CDYL: variants seen among roughly 807,000 people sequenced by gnomAD.
CDYL encodes the protein chromodomain Y-like protein.
In CDYL, 8 loss-of-function variants were observed where a neutral mutation model predicts 47.3. That is an observed-to-expected ratio of 0.17 (90% CI 0.10 to 0.31). CDYL has a LOEUF of 0.31. CDYL is among the 10% of genes least tolerant of loss of function. The pLI, the probability that CDYL is intolerant of heterozygous loss-of-function variation, is 1.00. For missense variants in CDYL, 471 were observed against 701.4 expected, an observed-to-expected ratio of 0.67 and a Z score of 3.71; for synonymous variants, 266 against 265.0, an observed-to-expected ratio of 1.00 and a Z score of -0.04.
At chr6:4,718,285 TTC>T (rs549872190) in intron 2 of CDYL, among the ~76,000 whole-genome samples, 10 of 152,140 alleles carry the variant, frequency 6.6e-5, no homozygotes, top group Non-Finnish European at 1.2e-4. Flanking sequence ...GGTGGTTTTT[TTC>T]TGTTTTTCGT....
chr6:4,892,122 C>G lies in CDYL; in HGVS notation c.434C>G (p.Pro145Arg). Reference protein sequence around the residue: ...LAKSGIKILVPKSPVKSRTAV... With the variant: ...LAKSGIKILVRKSPVKSRTAV... ...AAGTCAGGTATCAAGATCCTCGTGC[C>G]TAAAAGCCCCGTTAAGAGCAGGACC... Residue 145 changes from proline to arginine, a missense_variant, in exon 2 of 7, where the codon CCT (proline) becomes CGT (arginine). By Grantham distance (103) the Pro-to-Arg change is moderately radical. Transcript: ENST00000397588. The G allele has an allele frequency of 6.2e-7, 1 of 1,614,218 alleles. No homozygotes were observed. The highest frequency in any genetic ancestry group is 1.7e-5 in the Admixed American group (1 of 60,024).
intron 1 of CDYL, among the ~76,000 whole-genome samples, chr6:4,809,713 A>G (rs1352099470): frequency 1.4e-5 from 2 of 142,448 alleles, no homozygotes; most frequent in East Asian, 2.1e-4. Context: ...GTCCTTGGCG[A>G]TACTTTGTAT....
chr6:4,743,791 A>C (rs1383820014), intron 3 of CDYL, among the ~76,000 whole-genome samples: 3 of 152,242 alleles, frequency 2.0e-5, no homozygotes, highest in Admixed American at 2.0e-4. Flanking sequence ...ATGTTTAAAC[A>C]TAATACAAGG....
At chr6:4,721,855 T>C (rs1419989098) in intron 2 of CDYL, among the ~76,000 whole-genome samples, 2 of 151,856 alleles carry the variant, frequency 1.3e-5, no homozygotes, top group Non-Finnish European at 2.9e-5. Context: ...TAATTAAGAA[T>C]TTTTGTTTTT....
chr6:4,713,031 G>A (rs1396501272), intron 1 of CDYL, among the ~76,000 whole-genome samples: 2 of 152,212 alleles, frequency 1.3e-5, no homozygotes, highest in Admixed American at 6.5e-5. Context: ...TGTAGATCCA[G>A]GAACTTGGGA....
Position 4,800,243 on chromosome 6 carries a change from T to C in CDYL, c.24+23436T>C, listed in dbSNP as rs142798718. Among the ~76,000 whole-genome samples, 621 of 152,302 alleles carry C rather than the reference T, an allele frequency of 4.1e-3. 1 individual carries two copies. Among genetic ancestry groups the C allele is most frequent in the African/African-American group, 0.014 (580 of 41,588 alleles). The stretch of plus-strand genomic sequence containing the variant: ...GCTTTTGTTCCTCCTCTTTTGCTGA[T>C]TTTGTGTTAACCAAAATTTCTTATT... On this transcript the variant is annotated intron_variant, in intron 1 of 6. Transcript: ENST00000397588.
intron 2 of CDYL, among the ~76,000 whole-genome samples, chr6:4,720,964 G>C (rs894481047): frequency 6.6e-6 from 1 of 152,074 alleles, no homozygotes; most frequent in Non-Finnish European, 1.5e-5. Context: ...CATAAATAAA[G>C]ATTTTTTCTC....
At chr6:4,853,735 G>A (rs1419613803) in intron 1 of CDYL, among the ~76,000 whole-genome samples, 5 of 152,160 alleles carry the variant, frequency 3.3e-5, no homozygotes, top group East Asian at 1.9e-4. Context: ...TCACCTTTGC[G>A]TACAGGATAG....
intron 5 of CDYL, among the ~76,000 whole-genome samples, chr6:4,950,905 C>A (rs1477443967): frequency 6.9e-6 from 1 of 145,466 alleles, no homozygotes; most frequent in African/African-American, 2.6e-5. Flanking sequence ...GCACTCCAGC[C>A]TGGGCGACAG....
intron 2 of CDYL, among the ~76,000 whole-genome samples, chr6:4,916,188 T>A (rs1757551991): frequency 6.6e-6 from 1 of 152,266 alleles, no homozygotes. Context: ...AGGGCCATGA[T>A]CCTTAACCTC....
chr6:4,796,622 G>A (rs1759079414), intron 1 of CDYL, among the ~76,000 whole-genome samples: 1 of 152,092 alleles, frequency 6.6e-6, no homozygotes, highest in Non-Finnish European at 1.5e-5. Flanking sequence ...TTAAGGTGTA[G>A]TGCCCATCAC....
At chr6:4,798,618 T>A (rs1759140872) in intron 1 of CDYL, among the ~76,000 whole-genome samples, 1 of 152,228 alleles carries the variant, frequency 6.6e-6, no homozygotes, top group African/African-American at 2.4e-5. Flanking sequence ...GAATTGTGTC[T>A]ATCTTCATAA....
chr6:4,894,925 A>ATGTATGTG lies in CDYL; in HGVS notation c.691+2552_691+2559dup, dbSNP rs1554105561. The stretch of plus-strand genomic sequence containing the variant: ...CACGTACGTGTGTATATATACACAT[A>ATGTATGTG]TGTATGTGTGTATATGTGTATGCAT... On this transcript the variant is annotated intron_variant, in intron 2 of 6. Coordinates refer to ENST00000397588, the MANE Select transcript of CDYL (RefSeq NM_004824.4). Among the ~76,000 whole-genome samples, 148 of 25,904 alleles carry ATGTATGTG rather than the reference A, an allele frequency of 5.7e-3. 2 individuals are homozygous for ATGTATGTG. The highest frequency in any genetic ancestry group is 0.041 in the Admixed American group (89 of 2,146). The allele number at this position is 25,904 out of a possible 152,430, so 17.0% of individuals were successfully genotyped here.
chr6:4,789,365 C>G (rs139540093), intron 1 of CDYL, among the ~76,000 whole-genome samples: 1 of 152,162 alleles, frequency 6.6e-6, no homozygotes, highest in Non-Finnish European at 1.5e-5. Flanking sequence ...TGACCTGCCG[C>G]GCCTGGCTGC....
At position 4,776,738 on chromosome 6, in the gene CDYL, G is replaced by C. The variant is rs1398090807; in HGVS notation, c.-46G>C. 12 of 1,250,218 alleles carry C rather than the reference G, an allele frequency of 9.6e-6. No homozygotes were observed. The highest frequency in any genetic ancestry group is 1.2e-5 in the Non-Finnish European group (12 of 969,218). 77.4% of individuals were successfully genotyped at this position (1,250,218 alleles called of 1,614,324 possible). On this transcript the variant is annotated 5_prime_UTR_variant, in exon 1 of 7. Coordinates refer to ENST00000397588, the MANE Select transcript of CDYL (RefSeq NM_004824.4). ...AAAGTGTCGGCCGCCCGGCGCCGGC[G>C]CCCGCCCCGACCCTGCCCCTCCCGC...
At chr6:4,808,457 C>T (rs1759434106) in intron 1 of CDYL, among the ~76,000 whole-genome samples, 1 of 152,206 alleles carries the variant, frequency 6.6e-6, no homozygotes, top group Admixed American at 6.5e-5. Context: ...CTCATTTGCT[C>T]AACTCTAGTA....
rs1758822060 is a variant in CDYL at position 4,954,905 on chromosome 6, CTACTT to C, written c.*852_*856del. On this transcript the variant is annotated 3_prime_UTR_variant, in exon 7 of 7. Coordinates refer to ENST00000397588, the MANE Select transcript of CDYL (RefSeq NM_004824.4). ...GCTTCTTGTTGCTGGGTGAGAAATACTACTTTATAGACAGTTTTGGTTTTCTGTTT... is the reference window on the plus strand; with the variant it reads ...GCTTCTTGTTGCTGGGTGAGAAATACTATAGACAGTTTTGGTTTTCTGTTT... The C allele has an allele frequency of 6.6e-6, 1 of 152,140 alleles. No individual in the cohort carries two copies. Among genetic ancestry groups the C allele is most frequent in the Middle Eastern group, 3.2e-3 (1 of 316 alleles). The allele number at this position is 152,140 out of a possible 1,614,324, so 9.4% of individuals were successfully genotyped here. A position where few individuals can be genotyped will look rare whatever the true frequency, so the allele number is the denominator to read the frequency against.
intron 3 of CDYL, among the ~76,000 whole-genome samples, chr6:4,760,541 T>C (rs1016222726): frequency 1.3e-5 from 2 of 152,132 alleles, no homozygotes; most frequent in African/African-American, 4.8e-5. Flanking sequence ...TAGAGGAATA[T>C]TCGTGGAGTT....
At chr6:4,757,868 G>A (rs2127421841) in intron 3 of CDYL, among the ~76,000 whole-genome samples, 1 of 151,790 alleles carries the variant, frequency 6.6e-6, no homozygotes, top group African/African-American at 2.4e-5. Context: ...GAAACATCAT[G>A]TCAAATAAAA....
Sources: gnomAD v4.1 joint callset for allele counts (sites outside exome capture counted in the v4.1 genomes callset) on GRCh38, gnomAD v4.1.1 for gene constraint, MANE v1.5 for transcripts, NCBI Gene and HGNC (gene_info 2026-07-23, HGNC 2026-07-21) for gene names.